The following PDLIM4 variants were observed in gnomAD, a reference collection of about 807,000 sequenced individuals.
The protein encoded by PDLIM4 is PDZ and LIM domain protein 4.
PDLIM4 carries 19 observed loss-of-function variants against 31.3 expected under a neutral mutation model. That is an observed-to-expected ratio of 0.61 (90% confidence interval 0.42 to 0.89). The LOEUF (loss-of-function observed/expected upper bound fraction) is 0.89, where lower values mean the gene tolerates loss of function less well. PDLIM4 is among the 40% of genes least tolerant of loss of function. The pLI is 0.00. For synonymous variants in PDLIM4, 176 were observed against 190.1 expected (o/e 0.93, Z 0.61); for missense variants, 442 against 461.1 (o/e 0.96, Z 0.38).
At position 132,272,315 on chromosome 5, in the gene PDLIM4, C is replaced by G; in HGVS notation, c.*86C>G. On this transcript the variant is annotated 3_prime_UTR_variant, in exon 7 of 7. Coordinates refer to ENST00000253754, the MANE Select transcript of PDLIM4 (RefSeq NM_003687.4). ...TTCACCCTGTCCCTCTAATAAAGCTCCTCTGCTCCACCTTGAACCTGTCAC... is the reference window on the plus strand; with the variant it reads ...TTCACCCTGTCCCTCTAATAAAGCTGCTCTGCTCCACCTTGAACCTGTCAC... 1 of 1,131,350 alleles carries G rather than the reference C, an allele frequency of 8.8e-7. No homozygotes were observed. The highest frequency in any genetic ancestry group is 1.3e-6 in the Non-Finnish European group (1 of 768,572). The allele number at this position is 1,131,350 out of a possible 1,614,324, so 70.1% of individuals were successfully genotyped here. A position where few individuals can be genotyped will look rare whatever the true frequency, so the allele number is the denominator to read the frequency against.
intron 5 of PDLIM4, 145 bp from the exon 6 acceptor site, chr5:132,271,644 CCT>C (rs1561524108): frequency 5.4e-6 from 5 of 919,398 alleles, no homozygotes; most frequent in Admixed American, 3.7e-5. Context: ...CTCTCCACCC[CCT>C]GTCGCTGCCC....
intron 3 of PDLIM4, chr5:132,270,525 C>G: frequency 8.2e-6 from 2 of 245,362 alleles, no homozygotes; most frequent in Non-Finnish European, 1.6e-5. Flanking sequence ...GCACCAGGGC[C>G]ACCTCTGCCA....
intron 3 of PDLIM4, chr5:132,266,790 G>A (rs529588340): frequency 1.5e-4 from 58 of 385,392 alleles, no homozygotes; most frequent in African/African-American, 9.7e-4. Context: ...AGGTGCCTAT[G>A]ATGTCCAGGA....
intron 2 of PDLIM4, among the ~76,000 whole-genome samples, chr5:132,264,528 T>C (rs1756447740): frequency 1.3e-5 from 2 of 152,188 alleles, no homozygotes; most frequent in African/African-American, 4.8e-5. Context: ...CTCTGGACAT[T>C]GAGTGATGAT....
chr5:132,258,662 G>A (rs550411723), intron 1 of PDLIM4, among the ~76,000 whole-genome samples: 38 of 152,346 alleles, frequency 2.5e-4, no homozygotes, highest in African/African-American at 8.9e-4. Flanking sequence ...GTGTCTGGAG[G>A]GCCAAAAGAG....
chr5:132,261,187 G>A (rs1447983737), intron 1 of PDLIM4, among the ~76,000 whole-genome samples: 1 of 152,228 alleles, frequency 6.6e-6, no homozygotes, highest in Non-Finnish European at 1.5e-5. Context: ...ATGGCCTTGA[G>A]GGGAGGGTGG....
At chr5:132,265,235 T>A (rs7735619) in intron 2 of PDLIM4, among the ~76,000 whole-genome samples, 4,531 of 152,324 alleles carry the variant, frequency 0.03, 242 homozygotes, top group African/African-American at 0.1. Flanking sequence ...GCCACATTAA[T>A]GGCTCTGGGT....
intron 3 of PDLIM4, among the ~76,000 whole-genome samples, chr5:132,269,701 G>A (rs966380492): frequency 1.3e-5 from 2 of 152,046 alleles, no homozygotes; most frequent in East Asian, 1.9e-4. Flanking sequence ...TTCCCACTAC[G>A]ATAGGCATCC....
intron 1 of PDLIM4, among the ~76,000 whole-genome samples, chr5:132,258,369 G>C (rs1756291181): frequency 6.6e-6 from 1 of 152,236 alleles, no homozygotes. Context: ...CTAAGGGGAA[G>C]TGACCAGGAG....
chr5:132,267,241 C>T (rs2126676916), intron 3 of PDLIM4, among the ~76,000 whole-genome samples: 1 of 152,320 alleles, frequency 6.6e-6, no homozygotes, highest in East Asian at 1.9e-4. Flanking sequence ...GAGCCAGAAC[C>T]ATGGGACCCA....
chr5:132,262,838 C>A, intron 2 of PDLIM4, 78 bp downstream of exon 2: 1 of 1,391,854 alleles, frequency 7.2e-7, no homozygotes, highest in Non-Finnish European at 9.9e-7. Flanking sequence ...TTGGGTGAGC[C>A]CAGCTTCACA....
At chr5:132,263,232 C>G (rs1756415269) in intron 2 of PDLIM4, among the ~76,000 whole-genome samples, 1 of 152,174 alleles carries the variant, frequency 6.6e-6, no homozygotes, top group Admixed American at 6.5e-5. Flanking sequence ...TAAAGTCACA[C>G]AGAGAGGGAG....
At chr5:132,263,268 G>T (rs116284207) in intron 2 of PDLIM4, among the ~76,000 whole-genome samples, 1 of 152,114 alleles carries the variant, frequency 6.6e-6, no homozygotes, top group African/African-American at 2.4e-5. Context: ...TGATTTTGGG[G>T]CTCTCTCCTA....
chr5:132,271,708 G>A (rs1298438343), intron 5 of PDLIM4, 83 bp from the exon 6 acceptor site: 4 of 1,108,664 alleles, frequency 3.6e-6, no homozygotes, highest in Non-Finnish European at 5.6e-6. Flanking sequence ...CCGATGGCCC[G>A]TCTGGCGCCC....
chr5:132,262,464 A>G (rs910478878), intron 1 of PDLIM4, 145 bp from the exon 2 acceptor site: 4 of 676,310 alleles, frequency 5.9e-6, no homozygotes, highest in Non-Finnish European at 7.0e-6. Context: ...GGGGACCTCA[A>G]CCAGCCACTC....
At chr5:132,262,889 C>G (rs1359887964) in intron 2 of PDLIM4, 129 bp downstream of exon 2, 4 of 794,298 alleles carry the variant, frequency 5.0e-6, no homozygotes, top group Non-Finnish European at 8.1e-6. Context: ...CATCCAGGAA[C>G]AGTCCCAAGG....
intron 3 of PDLIM4, among the ~76,000 whole-genome samples, chr5:132,269,198 A>G (rs1580802386): frequency 6.6e-6 from 1 of 152,016 alleles, no homozygotes; most frequent in Non-Finnish European, 1.5e-5. Context: ...AGGCAGCTGC[A>G]TGGGTGACCG....
intron 1 of PDLIM4, among the ~76,000 whole-genome samples, chr5:132,259,714 G>C (rs963722258): frequency 6.6e-6 from 1 of 152,182 alleles, no homozygotes. Context: ...CCCTACGCGG[G>C]ACCTGGTAGG....
rs745553356 is a variant in PDLIM4, at chr5:132,257,714, C to T, written c.-21C>T. The T allele has an allele frequency of 1.1e-5, 16 of 1,440,366 alleles. No individual in the cohort carries two copies. The highest frequency in any genetic ancestry group is 2.3e-5 in the Admixed American group (1 of 42,570). The allele number at this position is 1,440,366 out of a possible 1,614,324, so 89.2% of individuals were successfully genotyped here. On this transcript the variant is annotated 5_prime_UTR_variant, in exon 1 of 7. Transcript: ENST00000253754. This position sits in a 1 kb window ranked among gnomAD's most constrained non-coding sequence, Gnocchi z 4.3. ...CCTCCTCAGAGTCCGGCTCAGGCTCCGGCTGCGGCTCCAGCCCGCGATGCC... is the reference window on the plus strand; with the variant it reads ...CCTCCTCAGAGTCCGGCTCAGGCTCTGGCTGCGGCTCCAGCCCGCGATGCC...
Sources: gnomAD v4.1 joint callset for allele counts (sites outside exome capture counted in the v4.1 genomes callset) on GRCh38, gnomAD v4.1.1 for gene constraint, Gnocchi (gnomAD v3.1) non-coding constraint, MANE v1.5 for transcripts, NCBI Gene and HGNC (gene_info 2026-07-23, HGNC 2026-07-21) for gene names.